The following FCMR variants were observed in gnomAD, a reference collection of about 807,000 sequenced individuals.
FCMR encodes Fc mu receptor.
In FCMR, 34 loss-of-function variants were observed where a neutral mutation model predicts 41.6. The ratio of observed to expected loss-of-function variants is 0.82; its 90% confidence interval spans 0.62 to 1.09. FCMR has a LOEUF of 1.09. FCMR is among the 50% of genes least tolerant of loss of function. The probability of loss-of-function intolerance (pLI) is 0.00; values close to 1 mark genes in which losing one functional copy is unlikely to be tolerated. For missense variants in FCMR, 496 were observed against 512.5 expected, an observed-to-expected ratio of 0.97 and a Z score of 0.31; for synonymous variants, 209 against 211.8, an observed-to-expected ratio of 0.99 and a Z score of 0.12.
In FCMR at chr1:206,903,407, C is replaced by T. The variant is rs1368059192; in HGVS notation, c.*1612G>A. 4 of 224,172 alleles carry T rather than the reference C, an allele frequency of 1.8e-5. No individual in the cohort carries two copies. Among genetic ancestry groups the T allele is most frequent in the East Asian group, 1.1e-4 (1 of 9,336 alleles). 13.9% of individuals were successfully genotyped at this position (224,172 alleles called of 1,614,324 possible). ...CCATGCTTCTTTACCCCTCACAATC[C>T]TTGCCACAGTGTGGGGCAGTGGATG... On this transcript the variant is annotated 3_prime_UTR_variant, in exon 8 of 8. Transcript: ENST00000367091.
intron 7 of FCMR, chr1:206,906,253 G>A (rs1425259103): frequency 1.2e-5 from 5 of 403,388 alleles, no homozygotes; most frequent in Non-Finnish European, 2.5e-5. Context: ...AGAGAAATGA[G>A]AGATGATCAA....
intron 1 of FCMR, among the ~76,000 whole-genome samples, chr1:206,919,402 C>G (rs547696417): frequency 1.1e-4 from 17 of 152,134 alleles, no homozygotes; most frequent in Non-Finnish European, 2.2e-4. Context: ...TTGAGACCAG[C>G]CTGGGCAACA....
chr1:206,908,107 G>T, intron 7 of FCMR: 1 of 1,184,772 alleles, frequency 8.4e-7, no homozygotes, highest in Non-Finnish European at 1.2e-6. Context: ...GAAGGAGAAG[G>T]CCAAGTTCCA....
intron 1 of FCMR, among the ~76,000 whole-genome samples, chr1:206,918,505 A>G (rs911859538): frequency 6.6e-6 from 1 of 152,196 alleles, no homozygotes; most frequent in Non-Finnish European, 1.5e-5. Flanking sequence ...TGTGTAAGAT[A>G]TATGCCAAAC....
At chr1:206,920,467 A>AAC (rs1462070230) in intron 1 of FCMR, among the ~76,000 whole-genome samples, 1 of 151,560 alleles carries the variant, frequency 6.6e-6, no homozygotes, top group East Asian at 1.9e-4. Flanking sequence ...AAAAAAAAAA[A>AAC]AAAAGGTGAA....
At position 206,909,688 on chromosome 1, in the gene FCMR, C is replaced by CT; in HGVS notation, c.985+36dup. The CT allele has an allele frequency of 7.2e-7, 1 of 1,387,338 alleles. No individual in the cohort carries two copies. Among genetic ancestry groups the CT allele is most frequent in the South Asian group, 1.6e-5 (1 of 60,690 alleles). 85.9% of individuals were successfully genotyped at this position (1,387,338 alleles called of 1,614,324 possible). On this transcript the variant is annotated intron_variant, in intron 6 of 7. Coordinates refer to ENST00000367091, the MANE Select transcript of FCMR (RefSeq NM_005449.5). This position sits in a 1 kb window ranked among gnomAD's most constrained non-coding sequence, Gnocchi z 5.0. ...CCGGCTTTCCCGGAGCCAGCGCACT[C>CT]TTTCCGCTACTCCCCGTGGCCCGCC... is the stretch of plus-strand genomic sequence containing the variant.
intron 1 of FCMR, among the ~76,000 whole-genome samples, chr1:206,920,839 C>G (rs1679408160): frequency 6.6e-6 from 1 of 152,226 alleles, no homozygotes; most frequent in Non-Finnish European, 1.5e-5. Context: ...TCAATTGCTG[C>G]TGCTTCTTAT....
upstream of FCMR, among the ~76,000 whole-genome samples, chr1:206,922,556 G>T (rs955494203): frequency 6.6e-6 from 1 of 152,182 alleles, no homozygotes; most frequent in African/African-American, 2.4e-5. Context: ...ACTTCACATA[G>T]CTCCCCAGCA....
At chr1:206,919,343 C>A (rs1679335917) in intron 1 of FCMR, among the ~76,000 whole-genome samples, 1 of 152,156 alleles carries the variant, frequency 6.6e-6, no homozygotes, top group Non-Finnish European at 1.5e-5. Context: ...GGCCTGTAAT[C>A]CCAGCACTTT....
At chr1:206,919,030 C>T (rs1207196040) in intron 1 of FCMR, among the ~76,000 whole-genome samples, 1 of 152,126 alleles carries the variant, frequency 6.6e-6, no homozygotes, top group Non-Finnish European at 1.5e-5. Context: ...CTTGGATGTC[C>T]ACTCTACTCC....
chr1:206,908,754 C>A (rs183448991), intron 7 of FCMR, among the ~76,000 whole-genome samples: 1 of 151,882 alleles, frequency 6.6e-6, no homozygotes, highest in Admixed American at 6.5e-5. Flanking sequence ...TTTACCACAC[C>A]CTTTTAAAAA....
intron 1 of FCMR, among the ~76,000 whole-genome samples, chr1:206,919,045 C>A (rs182078906): frequency 6.6e-6 from 1 of 152,230 alleles, no homozygotes; most frequent in East Asian, 1.9e-4. Context: ...TACTCCGTGG[C>A]CATGCAGGGA....
chr1:206,922,785 A>T (rs1679484958), upstream of FCMR, among the ~76,000 whole-genome samples: 1 of 152,230 alleles, frequency 6.6e-6, no homozygotes, highest in Non-Finnish European at 1.5e-5. Context: ...ATGGAGAGAG[A>T]TGCTGAGGCC....
Position 206,905,067 on chromosome 1 carries a change from G to A in FCMR, c.1125C>T (p.Ala375=). The change falls in exon 8 of 8, where the codon GCC becomes GCT. Residue 375 remains alanine, a synonymous_variant. Coordinates refer to ENST00000367091, the MANE Select transcript of FCMR (RefSeq NM_005449.5). ...EYVSLYHQPA[A]MMEDSDSDDY... ...CATCTGAATCACTGTCCTCCATCAT[G>A]GCGGCAGGCTGGTGGTAGAGGCTCA... 6.2e-7 allele frequency: 1 copy of A among 1,614,120 alleles called. No homozygotes were observed. The highest frequency in any genetic ancestry group is 8.5e-7 in the Non-Finnish European group (1 of 1,179,974).
At chr1:206,906,681 G>T (rs1165195127) in intron 7 of FCMR, among the ~76,000 whole-genome samples, 6 of 152,072 alleles carry the variant, frequency 3.9e-5, no homozygotes, top group Admixed American at 3.9e-4. Flanking sequence ...GTTCCATCAA[G>T]ATTTTTGCCC....
In FCMR at chr1:206,913,747, G is replaced by A. The variant is rs564549202; in HGVS notation, c.373+12C>T. On this transcript the variant is annotated intron_variant, in intron 2 of 7. Transcript: ENST00000367091. ...TGGGTAGTCTGAGCCTCCAATCAGC[G>A]GAGGAACCTACCACTGTGGACATTC... 42 of 1,609,082 alleles carry A rather than the reference G, an allele frequency of 2.6e-5. No individual in the cohort carries two copies. Among genetic ancestry groups the A allele is most frequent in the Middle Eastern group, 3.3e-4 (2 of 6,076 alleles).
intron 1 of FCMR, among the ~76,000 whole-genome samples, chr1:206,915,960 G>A (rs1461697668): frequency 1.3e-5 from 2 of 151,788 alleles, no homozygotes; most frequent in South Asian, 2.1e-4. Flanking sequence ...ACGGTAGAGA[G>A]GTAAAAACAA....
At position 206,910,280 on chromosome 1, in the gene FCMR, C is replaced by G. The variant is rs767646788; in HGVS notation, c.771G>C (p.Pro257=). Residue 257 remains proline, a synonymous_variant, in exon 5 of 8, where the codon CCG becomes CCC. Coordinates refer to ENST00000367091, the MANE Select transcript of FCMR (RefSeq NM_005449.5). ...REGQGFHILI[P]TILGLFLLAL... ...CCAGCAGGAAAAGGCCCAGGATGGT[C>G]GGGATCAGGATGTGAAATCCTTGGC... The G allele has an allele frequency of 1.3e-6, 2 of 1,578,622 alleles. No homozygotes were observed. The highest frequency in any genetic ancestry group is 2.3e-5 in the South Asian group (2 of 85,526).
chr1:206,914,159 T>C (rs1679076030), intron 1 of FCMR, 65 bp from the exon 2 acceptor site: 1 of 1,289,280 alleles, frequency 7.8e-7, no homozygotes, highest in Non-Finnish European at 1.1e-6. Flanking sequence ...CCCCATCTAC[T>C]TCCCAGCTCC....
Sources: gnomAD v4.1 joint callset for allele counts (sites outside exome capture counted in the v4.1 genomes callset) on GRCh38, gnomAD v4.1.1 for gene constraint, Gnocchi (gnomAD v3.1) non-coding constraint, MANE v1.5 for transcripts, NCBI Gene and HGNC (gene_info 2026-07-23, HGNC 2026-07-21) for gene names.